Variants in GALNTL6 observed in about 807,000 individuals in gnomAD.
GALNTL6 encodes polypeptide N-acetylgalactosaminyltransferase like 6, also known as polypeptide N-acetylgalactosaminyltransferase-like 6.
Under a neutral mutation model 73.7 loss-of-function variants are expected in GALNTL6, and 46 were observed. The ratio of observed to expected loss-of-function variants is 0.62; its 90% confidence interval spans 0.49 to 0.80. The LOEUF (loss-of-function observed/expected upper bound fraction) is 0.80, where lower values mean the gene tolerates loss of function less well. Ranked by LOEUF, GALNTL6 falls within the 30% of genes least tolerant of loss-of-function variation. The pLI is 0.00. For synonymous variants in GALNTL6, 259 were observed against 263.7 expected, an observed-to-expected ratio of 0.98 and a Z score of 0.17; for missense variants, 604 against 755.0, an observed-to-expected ratio of 0.80 and a Z score of 2.34.
intron 7 of GALNTL6, among the ~76,000 whole-genome samples, chr4:172,834,903 G>C (rs1211468210): frequency 6.6e-6 from 1 of 152,232 alleles, no homozygotes; most frequent in Admixed American, 6.5e-5. Context: ...TGTGTTGAGG[G>C]TGACAGAAAG....
At chr4:172,834,023 G>A (rs537242845) in intron 7 of GALNTL6, among the ~76,000 whole-genome samples, 20 of 152,264 alleles carry the variant, frequency 1.3e-4, no homozygotes, top group Non-Finnish European at 2.1e-4. Flanking sequence ...AGGCTGAGAC[G>A]GGAGAAATGC....
intron 2 of GALNTL6, among the ~76,000 whole-genome samples, chr4:171,912,254 C>G (rs1236321212): frequency 5.3e-5 from 8 of 152,064 alleles, no homozygotes; most frequent in Non-Finnish European, 1.5e-5. Flanking sequence ...TTTGGCATAA[C>G]AGTAAAATTA....
At chr4:172,718,879 G>A (rs1400693931) in intron 5 of GALNTL6, among the ~76,000 whole-genome samples, 1 of 152,076 alleles carries the variant, frequency 6.6e-6, no homozygotes, top group African/African-American at 2.4e-5. Context: ...TTAGGAATAA[G>A]AGAATCTTCT....
In GALNTL6 at chr4:171,988,337, C is replaced by G. The variant is rs138491916; in HGVS notation, c.138+173619C>G. ...TTTTTATGAGAATTATGCCAAGATA[C>G]GTAACAGATGTGGATGAAATTTGGG... On this transcript the variant is annotated intron_variant, in intron 2 of 12. Transcript: ENST00000506823. 3.8e-3 allele frequency among the ~76,000 whole-genome samples: 573 copies of G among 152,220 alleles called. 5 individuals are homozygous for G. The highest frequency in any genetic ancestry group is 0.013 in the African/African-American group (530 of 41,522).
intron 5 of GALNTL6, among the ~76,000 whole-genome samples, chr4:172,394,176 A>C (rs1015634831): frequency 3.9e-5 from 6 of 152,094 alleles, no homozygotes; most frequent in African/African-American, 1.2e-4. Context: ...ATACTTGCTA[A>C]TTTAAACTAA....
intron 5 of GALNTL6, among the ~76,000 whole-genome samples, chr4:172,746,924 A>G (rs1737137793): frequency 1.3e-5 from 2 of 152,258 alleles, no homozygotes; most frequent in East Asian, 1.9e-4. Flanking sequence ...ATTTGCTGAC[A>G]TGATCTTCTA....
intron 5 of GALNTL6, among the ~76,000 whole-genome samples, chr4:172,616,271 T>C (rs1213812932): frequency 6.6e-6 from 1 of 152,186 alleles, no homozygotes; most frequent in Non-Finnish European, 1.5e-5. Flanking sequence ...TGCTCAATCG[T>C]CTATTGTAAC....
At chr4:172,300,472 T>C (rs1181798880) in intron 3 of GALNTL6, among the ~76,000 whole-genome samples, 3 of 152,212 alleles carry the variant, frequency 2.0e-5, no homozygotes, top group Non-Finnish European at 4.4e-5. Context: ...CCATTGATGG[T>C]CTTTACAATT....
chr4:171,818,632 T>A (rs963815590), intron 2 of GALNTL6, among the ~76,000 whole-genome samples: 1 of 151,406 alleles, frequency 6.6e-6, no homozygotes, highest in African/African-American at 2.4e-5. Context: ...GGAACCCTAT[T>A]ATTTATTTGA....
In GALNTL6 at chr4:172,849,321, T is replaced by C. The variant is rs139563058; in HGVS notation, c.924-33469T>C. Among the ~76,000 whole-genome samples the C allele has an allele frequency of 7.1e-3, 1,086 of 152,248 alleles. 14 individuals carry two copies. Among genetic ancestry groups the C allele is most frequent in the African/African-American group, 0.025 (1,021 of 41,540 alleles). ...AAGACACTAGCTCATAGAATCCCAATTGAAGGTGCACCTCAGAAAATAACA... is the reference window on the plus strand; with the variant it reads ...AAGACACTAGCTCATAGAATCCCAACTGAAGGTGCACCTCAGAAAATAACA... On this transcript the variant is annotated intron_variant, in intron 7 of 12. Coordinates refer to ENST00000506823, the MANE Select transcript of GALNTL6 (RefSeq NM_001034845.3).
At chr4:172,669,115 T>A (rs1379554555) in intron 5 of GALNTL6, 1 of 152,240 alleles carries the variant, frequency 6.6e-6, no homozygotes, top group African/African-American at 2.4e-5. Context: ...GGATTATCTG[T>A]TATTTACTTA....
chr4:172,921,808 A>T (rs1033059103), intron 8 of GALNTL6, among the ~76,000 whole-genome samples: 4 of 152,000 alleles, frequency 2.6e-5, no homozygotes, highest in African/African-American at 9.7e-5. Context: ...AAAAAAAAAA[A>T]AAGCAAAGAA....
intron 5 of GALNTL6, among the ~76,000 whole-genome samples, chr4:172,780,560 A>C (rs990445858): frequency 8.5e-5 from 13 of 152,176 alleles, no homozygotes; most frequent in African/African-American, 3.1e-4. Flanking sequence ...ATTGCCTTGA[A>C]ACTTGTTGAT....
At chr4:172,900,635 G>A (rs940874123) in intron 8 of GALNTL6, among the ~76,000 whole-genome samples, 1 of 151,958 alleles carries the variant, frequency 6.6e-6, no homozygotes, top group African/African-American at 2.4e-5. Context: ...AAAAAGAAAA[G>A]CATTAAAGCA....
intron 5 of GALNTL6, among the ~76,000 whole-genome samples, chr4:172,500,085 T>G (rs969226046): frequency 6.6e-6 from 1 of 152,124 alleles, no homozygotes; most frequent in South Asian, 2.1e-4. Flanking sequence ...CCAAATATAA[T>G]AAATTCAAAG....
intron 2 of GALNTL6, among the ~76,000 whole-genome samples, chr4:172,084,320 G>C (rs1686956732): frequency 6.6e-6 from 1 of 152,176 alleles, no homozygotes; most frequent in Non-Finnish European, 1.5e-5. Context: ...ATGCTGGTAA[G>C]AGGGAAATTT....
intron 2 of GALNTL6, among the ~76,000 whole-genome samples, chr4:171,940,866 T>TAAATAA (rs1560850817): frequency 7.7e-5 from 6 of 78,282 alleles, no homozygotes; most frequent in Middle Eastern, 7.9e-3. Flanking sequence ...TAAATAAATA[T>TAAATAA]ATAAGTCATG....
chr4:172,181,622 G>A (rs1324629200), intron 2 of GALNTL6, among the ~76,000 whole-genome samples: 1 of 116,362 alleles, frequency 8.6e-6, no homozygotes, highest in Non-Finnish European at 1.7e-5. Flanking sequence ...AGAAAGAAAG[G>A]GCATTCAAAT....
rs573734148 is a variant in GALNTL6, at chr4:172,844,865, G to C, written c.923+31142G>C. ...TACAAGTTTTGCATAGAAGCAAAAT[G>C]AAAAGAAAAAAAGTCCTCATTCACA... On this transcript the variant is annotated intron_variant, in intron 7 of 12. Transcript: ENST00000506823. 2.0e-5 allele frequency among the ~76,000 whole-genome samples: 3 copies of C among 151,690 alleles called. No individual in the cohort carries two copies. In the South Asian group the frequency reaches 6.2e-4, roughly 32 times the overall value.
Sources: gnomAD v4.1 joint callset for allele counts (sites outside exome capture counted in the v4.1 genomes callset) on GRCh38, gnomAD v4.1.1 for gene constraint, MANE v1.5 for transcripts, NCBI Gene and HGNC (gene_info 2026-07-23, HGNC 2026-07-21) for gene names.